Variants in VRK2 observed in about 807,000 individuals in gnomAD.
The protein encoded by VRK2 is serine/threonine-protein kinase VRK2.
VRK2 carries 60 observed loss-of-function variants against 57.6 expected under a neutral mutation model. The ratio of observed to expected loss-of-function variants is 1.04; its 90% CI spans 0.85 to 1.29. VRK2 has a LOEUF of 1.29. VRK2 is among the 50% of genes most tolerant of loss of function. VRK2 has a pLI of 0.00. For missense variants in VRK2, 705 were observed against 588.1 expected, an observed-to-expected ratio of 1.20 and a Z score of -2.06; for synonymous variants, 231 against 199.2, an observed-to-expected ratio of 1.16 and a Z score of -1.35.
chr2:58,136,045 T>TC (rs1403162987), intron 10 of VRK2, among the ~76,000 whole-genome samples: 2 of 152,156 alleles, frequency 1.3e-5, no homozygotes, highest in African/African-American at 4.8e-5. Context: ...CTAGCTAAGG[T>TC]CTAATAGCAT....
At chr2:58,094,748 A>G (rs1036646154) in intron 7 of VRK2, among the ~76,000 whole-genome samples, 6 of 152,096 alleles carry the variant, frequency 3.9e-5, no homozygotes, top group African/African-American at 9.7e-5. Flanking sequence ...CTTCAGTAAT[A>G]TTAGTTGTTA....
chr2:58,148,025 C>T (rs895353542), intron 12 of VRK2, among the ~76,000 whole-genome samples: 2 of 151,746 alleles, frequency 1.3e-5, no homozygotes, highest in African/African-American at 4.8e-5. Flanking sequence ...GGCACAAATC[C>T]TTCAATGGAC....
At chr2:58,005,039 T>C (rs927156406) in intron 1 of VRK2, among the ~76,000 whole-genome samples, 2 of 152,170 alleles carry the variant, frequency 1.3e-5, no homozygotes, top group Non-Finnish European at 2.9e-5. Flanking sequence ...AAGAAATGTA[T>C]AAACATTATG....
At chr2:58,002,554 G>T (rs1673122339) in intron 1 of VRK2, among the ~76,000 whole-genome samples, 1 of 152,036 alleles carries the variant, frequency 6.6e-6, no homozygotes, top group African/African-American at 2.4e-5. Flanking sequence ...GAAAAATGGA[G>T]AGATCACCAT....
At chr2:58,049,014 T>C in intron 2 of VRK2, 47 bp downstream of exon 2, 1 of 1,579,920 alleles carries the variant, frequency 6.3e-7, no homozygotes, top group Non-Finnish European at 8.6e-7. Flanking sequence ...TCTGTGACTG[T>C]AACCGTGATT....
chr2:57,926,997 C>T (rs1254115533), intron 1 of VRK2, among the ~76,000 whole-genome samples: 1 of 130,238 alleles, frequency 7.7e-6, no homozygotes, highest in Non-Finnish European at 1.7e-5. Context: ...GTTTTAATTT[C>T]TTGTGTGTGT....
At chr2:58,136,557 G>A (rs1027067927) in intron 10 of VRK2, among the ~76,000 whole-genome samples, 2 of 151,456 alleles carry the variant, frequency 1.3e-5, no homozygotes, top group Non-Finnish European at 2.9e-5. Context: ...GCTACTTTTT[G>A]TATTTTTAGT....
At chr2:57,953,951 C>A (rs557678785) in intron 1 of VRK2, among the ~76,000 whole-genome samples, 1 of 152,038 alleles carries the variant, frequency 6.6e-6, no homozygotes. Context: ...AGCTTGAATT[C>A]GGTCTTTCCC....
At chr2:57,966,648 GA>G (rs987477338) in intron 1 of VRK2, among the ~76,000 whole-genome samples, 6 of 150,986 alleles carry the variant, frequency 4.0e-5, no homozygotes, top group African/African-American at 7.3e-5. Flanking sequence ...ACGCTTTTCA[GA>G]AAAAAAATAA....
chr2:57,991,995 C>T (rs1031781409), intron 1 of VRK2, among the ~76,000 whole-genome samples: 1 of 151,642 alleles, frequency 6.6e-6, no homozygotes, highest in Non-Finnish European at 1.5e-5. Flanking sequence ...AGACAAGGCC[C>T]AATGTCTTTA....
intron 7 of VRK2, among the ~76,000 whole-genome samples, chr2:58,094,065 T>C (rs1672772089): frequency 6.6e-6 from 1 of 152,242 alleles, no homozygotes; most frequent in South Asian, 2.1e-4. Flanking sequence ...TTGGTTACTG[T>C]AGCCTTGTAG....
intron 1 of VRK2, among the ~76,000 whole-genome samples, chr2:58,016,712 C>A (rs1456977613): frequency 1.3e-5 from 2 of 152,138 alleles, no homozygotes; most frequent in Admixed American, 1.3e-4. Context: ...TTAAAAATTT[C>A]TAAATTGTTG....
chr2:57,983,748 G>T (rs911266301), intron 1 of VRK2, among the ~76,000 whole-genome samples: 1 of 152,138 alleles, frequency 6.6e-6, no homozygotes, highest in Non-Finnish European at 1.5e-5. Flanking sequence ...CTGAAATAAT[G>T]ATTACAATAA....
In VRK2 at chr2:58,159,409, A is replaced by G. The variant is rs779903784; in HGVS notation, c.1243A>G (p.Ser415Gly). 2.5e-6 allele frequency: 4 copies of G among 1,613,466 alleles called. No individual in the cohort carries two copies. The highest frequency in any genetic ancestry group is 3.4e-6 in the Non-Finnish European group (4 of 1,179,720). ...ESQEPLNEVN[S>G]FPQKISYTQF... The stretch of plus-strand genomic sequence containing the variant: ...TCAAGAACCTTTGAATGAAGTAAAC[A>G]GTTTCCCACAAAAAATCAGCTATAC... Residue 415 changes from serine (S) to glycine (G), a missense_variant, in exon 13 of 13, where the codon AGT (serine) becomes GGT (glycine). Physicochemically the swap from Ser to Gly is moderately conservative, Grantham distance 56 (BLOSUM62 0). Transcript: ENST00000340157.
At chr2:57,969,801 C>T (rs1672036201) in intron 1 of VRK2, among the ~76,000 whole-genome samples, 1 of 152,074 alleles carries the variant, frequency 6.6e-6, no homozygotes, top group African/African-American at 2.4e-5. Context: ...GAAATCTCTC[C>T]TCTTATTCTG....
chr2:58,005,962 G>A (rs781154219), intron 1 of VRK2, among the ~76,000 whole-genome samples: 2 of 152,140 alleles, frequency 1.3e-5, no homozygotes, highest in Non-Finnish European at 2.9e-5. Context: ...CCTCCCCTGA[G>A]GCAGATGGTA....
At chr2:58,031,890 C>T (rs1674121790) in intron 2 of VRK2, among the ~76,000 whole-genome samples, 1 of 152,042 alleles carries the variant, frequency 6.6e-6, no homozygotes, top group Non-Finnish European at 1.5e-5. Context: ...ACAATCCAAA[C>T]AACTTTGAGT....
At chr2:57,937,766 C>A (rs1670960228) in intron 1 of VRK2, among the ~76,000 whole-genome samples, 1 of 151,938 alleles carries the variant, frequency 6.6e-6, no homozygotes, top group Non-Finnish European at 1.5e-5. Flanking sequence ...GTAACTTCTG[C>A]AGCTCTTAAC....
At chr2:58,007,409 C>T (rs1236300774) in intron 1 of VRK2, among the ~76,000 whole-genome samples, 2 of 151,936 alleles carry the variant, frequency 1.3e-5, no homozygotes, top group African/African-American at 2.4e-5. Flanking sequence ...TTTTCTTCCA[C>T]CTCTTCCAGC....
Sources: gnomAD v4.1 joint callset for allele counts (sites outside exome capture counted in the v4.1 genomes callset) on GRCh38, gnomAD v4.1.1 for gene constraint, MANE v1.5 for transcripts, NCBI Gene and HGNC (gene_info 2026-07-23, HGNC 2026-07-21) for gene names.